Variants in ARHGAP24 observed in about 807,000 individuals in gnomAD.
The protein encoded by ARHGAP24 is Rho GTPase activating protein 24, also known as rho GTPase-activating protein 24.
Under a neutral mutation model 76.4 loss-of-function variants are expected in ARHGAP24, and 50 were observed. That is an observed-to-expected ratio of 0.65 (90% CI 0.52 to 0.83). ARHGAP24 has a LOEUF of 0.83. Among genes scored for constraint, ARHGAP24 ranks in the 40% least tolerant of loss-of-function variants. The pLI, the probability that ARHGAP24 is intolerant of heterozygous loss-of-function variation, is 0.00. For synonymous variants in ARHGAP24, 345 were observed against 323.3 expected (o/e 1.07, Z -0.72); for missense variants, 930 against 914.2 (o/e 1.02, Z -0.22).
At chr4:85,962,173 G>T (rs570856175) in intron 5 of ARHGAP24, among the ~76,000 whole-genome samples, 5 of 152,112 alleles carry the variant, frequency 3.3e-5, no homozygotes, top group African/African-American at 1.2e-4. Flanking sequence ...AGTCTCAGGC[G>T]TACATTAATA....
chr4:85,502,363 T>G (rs969306020), intron 1 of ARHGAP24, among the ~76,000 whole-genome samples: 1 of 152,218 alleles, frequency 6.6e-6, no homozygotes, highest in Non-Finnish European at 1.5e-5. Flanking sequence ...GAGCATGGAA[T>G]GTTCTTCCAT....
At chr4:85,931,513 C>T (rs943735106) in intron 4 of ARHGAP24, among the ~76,000 whole-genome samples, 8 of 152,146 alleles carry the variant, frequency 5.3e-5, no homozygotes, top group African/African-American at 1.4e-4. Context: ...TCGAATTATT[C>T]GTGCTGACCC....
intron 2 of ARHGAP24, among the ~76,000 whole-genome samples, chr4:85,682,918 TA>T (rs2110011348): frequency 6.6e-6 from 1 of 152,252 alleles, no homozygotes; most frequent in African/African-American, 2.4e-5. Flanking sequence ...CAAAGACACA[TA>T]ATATGATTTG....
intron 2 of ARHGAP24, among the ~76,000 whole-genome samples, chr4:85,718,617 T>A (rs2110040495): frequency 1.3e-5 from 2 of 152,290 alleles, no homozygotes; most frequent in South Asian, 4.1e-4. Flanking sequence ...AAGGACTTTA[T>A]TTTATTTACT....
rs113531542 is a variant in ARHGAP24 at position 85,603,501 on chromosome 4, T to C, written c.180+32780T>C. On this transcript the variant is annotated intron_variant, in intron 2 of 9. Coordinates refer to ENST00000395184, the MANE Select transcript of ARHGAP24 (RefSeq NM_001025616.3). The stretch of plus-strand genomic sequence containing the variant: ...AAAATTTAAATACTTAACATCTTTA[T>C]TTTTAATACATAGATATTAGATGTG... 6.5e-3 allele frequency among the ~76,000 whole-genome samples: 990 copies of C among 152,324 alleles called. 14 individuals are homozygous for C. The highest frequency in any genetic ancestry group is 0.023 in the African/African-American group (945 of 41,568).
intron 3 of ARHGAP24, among the ~76,000 whole-genome samples, chr4:85,735,846 C>G (rs1479493036): frequency 1.3e-5 from 2 of 152,120 alleles, no homozygotes; most frequent in African/African-American, 4.8e-5. Context: ...ACATAGAGCT[C>G]CCATATACAG....
intron 3 of ARHGAP24, among the ~76,000 whole-genome samples, chr4:85,731,837 A>G (rs530066011): frequency 2.9e-4 from 44 of 152,370 alleles, no homozygotes; most frequent in South Asian, 6.2e-4. Flanking sequence ...TATATATTTC[A>G]CAACATCACT....
chr4:85,785,336 G>C (rs1247262278), intron 3 of ARHGAP24, among the ~76,000 whole-genome samples: 1 of 152,108 alleles, frequency 6.6e-6, no homozygotes, highest in Non-Finnish European at 1.5e-5. Context: ...GTTCAATTTG[G>C]GTTTTGAAGA....
At chr4:85,756,108 G>A (rs1726482103) in intron 3 of ARHGAP24, among the ~76,000 whole-genome samples, 1 of 152,022 alleles carries the variant, frequency 6.6e-6, no homozygotes, top group South Asian at 2.1e-4. Context: ...ATGTATCAAT[G>A]TATGTATTGA....
At chr4:85,715,054 AC>A (rs1484059411) in intron 2 of ARHGAP24, among the ~76,000 whole-genome samples, 1 of 152,136 alleles carries the variant, frequency 6.6e-6, no homozygotes, top group African/African-American at 2.4e-5. Context: ...AAAGAGAAAT[AC>A]CTATGTTACA....
intron 2 of ARHGAP24, among the ~76,000 whole-genome samples, chr4:85,633,095 A>T (rs1223095069): frequency 6.6e-6 from 1 of 151,856 alleles, no homozygotes; most frequent in Non-Finnish European, 1.5e-5. Context: ...ATATGTACTT[A>T]TAGTGTTACC....
chr4:85,477,575 A>C (rs1372119824), intron 1 of ARHGAP24, among the ~76,000 whole-genome samples: 1 of 152,132 alleles, frequency 6.6e-6, no homozygotes, highest in Non-Finnish European at 1.5e-5. Flanking sequence ...TCATGGTTTT[A>C]TTTACTGTGT....
At chr4:85,534,910 G>A (rs78705855) in intron 1 of ARHGAP24, among the ~76,000 whole-genome samples, 1,460 of 142,700 alleles carry the variant, frequency 0.01, 13 homozygotes, top group East Asian at 0.02. Flanking sequence ...TTGGGCTTCT[G>A]TTGACCATAT....
chr4:85,957,441 T>G (rs947479487), intron 5 of ARHGAP24, among the ~76,000 whole-genome samples: 1 of 152,246 alleles, frequency 6.6e-6, no homozygotes, highest in African/African-American at 2.4e-5. Context: ...CCTCTGTTGA[T>G]TTGATGAAAA....
Position 85,840,017 on chromosome 4 carries a change from C to CTT in ARHGAP24, c.269-83611_269-83610dup, listed in dbSNP as rs70948759. Among the ~76,000 whole-genome samples the CTT allele has an allele frequency of 7.2e-3, 839 of 115,948 alleles. 12 individuals are homozygous for CTT. Among genetic ancestry groups the CTT allele is most frequent in the African/African-American group, 0.017 (541 of 30,946 alleles). 76.1% of individuals were successfully genotyped at this position (115,948 alleles called of 152,430 possible). A position where few individuals can be genotyped will look rare whatever the true frequency, so the allele number is the denominator to read the frequency against. On this transcript the variant is annotated intron_variant, in intron 3 of 9. Coordinates refer to ENST00000395184, the MANE Select transcript of ARHGAP24 (RefSeq NM_001025616.3). ...GGCCTGTGCCACCATGCCTGGCTAA[C>CTT]TTTTTTTTTTTTTTTTTTTTTGTAT...
chr4:85,503,826 T>C (rs1236887347), intron 1 of ARHGAP24, among the ~76,000 whole-genome samples: 3 of 152,366 alleles, frequency 2.0e-5, no homozygotes, highest in East Asian at 1.9e-4. Flanking sequence ...CAATTTTAGA[T>C]CGTTCCTGCT....
At chr4:85,972,355 C>A (rs575628624) in intron 6 of ARHGAP24, 187 bp downstream of exon 6, 58 of 681,264 alleles carry the variant, frequency 8.5e-5, no homozygotes, top group African/African-American at 5.5e-4. Context: ...CCTCTCTGAT[C>A]AAAAAAAAAG....
Position 85,894,987 on chromosome 4 carries a change from AAC to A in ARHGAP24, c.269-28659_269-28658del, listed in dbSNP as rs1491036444. Reference sequence around the variant, plus strand: ...AAAAAAAAAAAAAAAAAAAAAAAAAAACAAAACAAAAAGCAAAAAAAAAAAAA... The same window carrying A: ...AAAAAAAAAAAAAAAAAAAAAAAAAAAAAACAAAAAGCAAAAAAAAAAAAA... On this transcript the variant is annotated intron_variant, in intron 3 of 9. Coordinates refer to ENST00000395184, the MANE Select transcript of ARHGAP24 (RefSeq NM_001025616.3). 5.8e-3 allele frequency among the ~76,000 whole-genome samples: 79 copies of A among 13,610 alleles called. 2 individuals are homozygous for A. Among genetic ancestry groups the A allele is most frequent in the East Asian group, 0.023 (14 of 622 alleles). The allele number at this position is 13,610 out of a possible 152,430, so 8.9% of individuals were successfully genotyped here.
intron 2 of ARHGAP24, among the ~76,000 whole-genome samples, chr4:85,700,214 G>T (rs572236344): frequency 6.6e-6 from 1 of 152,034 alleles, no homozygotes; most frequent in South Asian, 2.1e-4. Flanking sequence ...GGCCAACATG[G>T]TGAAACCCCA....
Sources: gnomAD v4.1 joint callset for allele counts (sites outside exome capture counted in the v4.1 genomes callset) on GRCh38, gnomAD v4.1.1 for gene constraint, MANE v1.5 for transcripts, NCBI Gene and HGNC (gene_info 2026-07-23, HGNC 2026-07-21) for gene names.